Variants in GLT1D1 observed in about 807,000 individuals in gnomAD.
GLT1D1 encodes the protein glycosyltransferase 1 domain-containing protein 1.
A neutral mutation model predicts 28.7 loss-of-function variants in GLT1D1; 21 were observed. That is an observed-to-expected ratio of 0.73 (90% CI 0.52 to 1.05). The LOEUF is 1.05. Among genes scored for constraint, GLT1D1 ranks in the 50% least tolerant of loss-of-function variants. The pLI is 0.00. For missense variants in GLT1D1, 343 were observed against 330.6 expected (o/e 1.04, Z -0.29); for synonymous variants, 147 against 124.8 (o/e 1.18, Z -1.19).
intron 4 of GLT1D1, among the ~76,000 whole-genome samples, chr12:128,925,422 G>T (rs1000163188): frequency 6.6e-6 from 1 of 152,190 alleles, no homozygotes; most frequent in African/African-American, 2.4e-5. Flanking sequence ...ACTGATAAGT[G>T]AGAACATTCG....
rs916106209 is a variant in GLT1D1, at chr12:128,908,890, A to C, written c.375+9603A>C. On this transcript the variant is annotated intron_variant, in intron 4 of 7. Transcript: ENST00000281703. ...CGTGAACCCGGGAGGCAGAGCTTGC[A>C]GTGAGCCGAGATCGCGCCCCTGCAC... Among the ~76,000 whole-genome samples, 7 of 152,306 alleles carry C rather than the reference A, an allele frequency of 4.6e-5. No homozygotes were observed. The South Asian group carries it at 6.2e-4, about 14-fold the overall frequency.
At chr12:128,945,225 A>G in intron 4 of GLT1D1, 101 bp from the exon 9 acceptor site, 1 of 1,234,632 alleles carries the variant, frequency 8.1e-7, no homozygotes, top group Admixed American at 1.8e-5. Flanking sequence ...ACCGAGGCCC[A>G]CGCCGCGCTG....
intron 6 of GLT1D1, among the ~76,000 whole-genome samples, chr12:128,953,446 G>A (rs1185278302): frequency 6.6e-6 from 1 of 152,122 alleles, no homozygotes; most frequent in Non-Finnish European, 1.5e-5. Context: ...CAAAGTGCTG[G>A]AATTATAGGC....
chr12:128,930,947 C>A (rs1873793223), intron 4 of GLT1D1, among the ~76,000 whole-genome samples: 1 of 151,326 alleles, frequency 6.6e-6, no homozygotes, highest in African/African-American at 2.4e-5. Flanking sequence ...TCATATGAAG[C>A]AATCAGAAAT....
intron 1 of GLT1D1, among the ~76,000 whole-genome samples, chr12:128,854,326 G>A (rs565543514): frequency 2.4e-4 from 37 of 152,038 alleles, no homozygotes; most frequent in African/African-American, 8.4e-4. Flanking sequence ...TGTATTAGCC[G>A]GATAAACATA....
At chr12:128,868,838 A>G (rs886931602) in intron 1 of GLT1D1, among the ~76,000 whole-genome samples, 5 of 152,122 alleles carry the variant, frequency 3.3e-5, no homozygotes, top group African/African-American at 7.2e-5. Flanking sequence ...TTCACTCAAC[A>G]TGTCTAAACA....
chr12:128,952,777 T>TTTTC (rs1194366860), intron 6 of GLT1D1, among the ~76,000 whole-genome samples: 2 of 126,098 alleles, frequency 1.6e-5, no homozygotes, highest in East Asian at 4.6e-4. Context: ...GACTGGCTTT[T>TTTTC]TTTTTTTTTT....
intron 4 of GLT1D1, among the ~76,000 whole-genome samples, chr12:128,929,321 G>C (rs531717894): frequency 4.9e-4 from 75 of 152,316 alleles, no homozygotes; most frequent in African/African-American, 1.8e-3. Context: ...TGGCTGCACT[G>C]GTCATCTCAT....
chr12:128,936,240 C>T (rs1385990736), intron 4 of GLT1D1, among the ~76,000 whole-genome samples: 4 of 151,524 alleles, frequency 2.6e-5, no homozygotes, highest in South Asian at 4.2e-4. Flanking sequence ...CTGCAAGCTC[C>T]GCCTCCCGGG....
intron 4 of GLT1D1, among the ~76,000 whole-genome samples, chr12:128,907,455 G>A (rs1220391949): frequency 3.3e-5 from 5 of 151,934 alleles, no homozygotes; most frequent in African/African-American, 4.8e-5. Context: ...ACAGGTGCCC[G>A]CCACCACACC....
intron 3 of GLT1D1, among the ~76,000 whole-genome samples, chr12:128,899,009 A>C (rs1869944522): frequency 6.6e-6 from 1 of 152,194 alleles, no homozygotes; most frequent in Non-Finnish European, 1.5e-5. Flanking sequence ...GAAGAGAAAA[A>C]ATAGGAGTTT....
At chr12:128,854,347 C>A (rs1468681256) in intron 1 of GLT1D1, among the ~76,000 whole-genome samples, 1 of 151,324 alleles carries the variant, frequency 6.6e-6, no homozygotes, top group Non-Finnish European at 1.5e-5. Flanking sequence ...TTCCTTGAGG[C>A]GAAGCCTGGG....
chr12:128,866,574 T>C (rs1243925183), intron 1 of GLT1D1, among the ~76,000 whole-genome samples: 2 of 149,716 alleles, frequency 1.3e-5, no homozygotes, highest in Non-Finnish European at 3.0e-5. Flanking sequence ...CTTCATCTTT[T>C]CCCCCACAGT....
At chr12:128,908,572 C>A (rs11610974) in intron 4 of GLT1D1, among the ~76,000 whole-genome samples, 16,590 of 149,518 alleles carry the variant, frequency 0.11, 1,080 homozygotes, top group Non-Finnish European at 0.14. Flanking sequence ...CTACCCAAGG[C>A]GGAAGACTGG....
At chr12:128,869,336 CT>C (rs903517498) in intron 1 of GLT1D1, among the ~76,000 whole-genome samples, 9 of 151,974 alleles carry the variant, frequency 5.9e-5, no homozygotes, top group African/African-American at 2.2e-4. Context: ...CGCCTGGCTA[CT>C]TTTTGTATTT....
chr12:128,909,327 TTC>T (rs2082773563), intron 4 of GLT1D1, among the ~76,000 whole-genome samples: 1 of 108,106 alleles, frequency 9.3e-6, no homozygotes, highest in African/African-American at 3.7e-5. Flanking sequence ...GAATATTACT[TTC>T]TTTTTTTTTA....
At chr12:128,921,615 G>A (rs900448443) in intron 4 of GLT1D1, among the ~76,000 whole-genome samples, 5 of 151,878 alleles carry the variant, frequency 3.3e-5, no homozygotes, top group African/African-American at 9.7e-5. Flanking sequence ...GTATCTTATG[G>A]ATTATTCTCT....
intron 3 of GLT1D1, among the ~76,000 whole-genome samples, chr12:128,892,042 G>A (rs1231286592): frequency 6.6e-6 from 1 of 152,136 alleles, no homozygotes; most frequent in African/African-American, 2.4e-5. Context: ...CTCAAAGCAG[G>A]GAGGGGTTTT....
At chr12:128,886,072 G>A (rs538033501) in intron 2 of GLT1D1, among the ~76,000 whole-genome samples, 75 of 152,258 alleles carry the variant, frequency 4.9e-4, no homozygotes, top group Admixed American at 3.3e-3. Flanking sequence ...TTTATAAAGG[G>A]GAGTTTCCCT....
Sources: gnomAD v4.1 joint callset for allele counts (sites outside exome capture counted in the v4.1 genomes callset) on GRCh38, gnomAD v4.1.1 for gene constraint, MANE v1.5 for transcripts, NCBI Gene and HGNC (gene_info 2026-07-23, HGNC 2026-07-21) for gene names.